Variants in KCNT1 observed in about 807,000 individuals in gnomAD.
KCNT1 encodes the protein potassium channel subfamily T member 1.
Under a neutral mutation model 147.8 loss-of-function variants are expected in KCNT1, and 78 were observed. The ratio of observed to expected loss-of-function variants is 0.53; its 90% CI spans 0.44 to 0.64. KCNT1 has a LOEUF of 0.64. Among genes scored for constraint, KCNT1 ranks in the 30% least tolerant of loss-of-function variants. KCNT1 has a pLI of 0.00. For synonymous variants in KCNT1, 867 were observed against 748.8 expected (o/e 1.16, Z -2.58); for missense variants, 1,419 against 1,750.3 (o/e 0.81, Z 3.38).
chr9:135,727,773 C>G (rs1231574901), intron 2 of KCNT1, among the ~76,000 whole-genome samples: 2 of 152,252 alleles, frequency 1.3e-5, no homozygotes, highest in African/African-American at 4.8e-5. Context: ...CACAGGGGAG[C>G]AAAGGACCAT....
At chr9:135,759,432 G>A (rs944242476) in intron 10 of KCNT1, among the ~76,000 whole-genome samples, 2 of 152,236 alleles carry the variant, frequency 1.3e-5, no homozygotes, top group South Asian at 2.1e-4. Context: ...AACAGAGGCC[G>A]CCATGCTGTG....
Position 135,784,042 on chromosome 9 carries a change from T to C in KCNT1, c.2860T>C (p.Ser954Pro). 6.2e-7 allele frequency: 1 copy of C among 1,606,478 alleles called. No homozygotes were observed. Among genetic ancestry groups the C allele is most frequent in the Non-Finnish European group, 8.5e-7 (1 of 1,179,932 alleles). ...CCCACAGAGGGAGCGAGAGAATGGC[T>C]CCAACCTGGCCTTCATGTTCCGCCT... ...KLEKRERENGSNLAFMFRLPF... is the reference protein window; with the variant it reads ...KLEKRERENGPNLAFMFRLPF... Residue 954 changes from serine (S) to proline (P), a missense_variant, in exon 25 of 31, where the codon TCC (serine) becomes CCC (proline). Ser to Pro is a moderately conservative substitution (Grantham distance 74). Around this residue, in one of 5 missense-constraint regions of KCNT1, gnomAD observed 247 missense variants for 397.1 expected, o/e 0.62. Coordinates refer to ENST00000371757, the MANE Select transcript of KCNT1 (RefSeq NM_020822.3).
chr9:135,756,613 C>T (rs1022621716), intron 6 of KCNT1, among the ~76,000 whole-genome samples: 1 of 152,206 alleles, frequency 6.6e-6, no homozygotes, highest in African/African-American at 2.4e-5. Flanking sequence ...GCCTCACCCA[C>T]TGCACCCTCC....
chr9:135,753,868 C>T (rs915829576), intron 4 of KCNT1, 69 bp from the exon 5 acceptor site: 1 of 1,570,654 alleles, frequency 6.4e-7, no homozygotes, highest in Non-Finnish European at 8.8e-7. Context: ...TGTGGAAGCC[C>T]TCGGGCAGCA....
At chr9:135,749,996 G>T (rs772478192) in intron 2 of KCNT1, 102 bp from the exon 3 acceptor site, 83 of 893,496 alleles carry the variant, frequency 9.3e-5, no homozygotes, top group Non-Finnish European at 1.4e-4. Flanking sequence ...AACTCCTGCA[G>T]TTGGAAAGTT....
At chr9:135,740,586 C>T (rs1830521996) in intron 2 of KCNT1, among the ~76,000 whole-genome samples, 1 of 152,244 alleles carries the variant, frequency 6.6e-6, no homozygotes, top group African/African-American at 2.4e-5. Flanking sequence ...CAGGACACAG[C>T]AGGGAAGCAG....
At position 135,775,532 on chromosome 9, in the gene KCNT1, C is replaced by T. The variant is rs1387307402; in HGVS notation, c.2349+117C>T. On this transcript the variant is annotated intron_variant, in intron 20 of 30. Coordinates refer to ENST00000371757, the MANE Select transcript of KCNT1 (RefSeq NM_020822.3). The stretch of plus-strand genomic sequence containing the variant: ...TTTCGATACCATTGCAAACTTCTAG[C>T]ACAGCTGCAAGAATTCTGCAAGGGA... The T allele has an allele frequency of 1.8e-5, 13 of 703,120 alleles. No individual in the cohort carries two copies. In the East Asian group the frequency reaches 3.6e-4, roughly 19 times the overall value. The allele number at this position is 703,120 out of a possible 1,614,324, so 43.6% of individuals were successfully genotyped here. A position where few individuals can be genotyped will look rare whatever the true frequency, so the allele number is the denominator to read the frequency against.
intron 1 of KCNT1, among the ~76,000 whole-genome samples, chr9:135,706,215 G>C (rs116554432): frequency 6.6e-6 from 1 of 152,190 alleles, no homozygotes; most frequent in Non-Finnish European, 1.5e-5. Flanking sequence ...GCACATACTT[G>C]GTGTTTACAA....
intron 9 of KCNT1, among the ~76,000 whole-genome samples, chr9:135,758,061 G>C (rs75420611): frequency 2.0e-5 from 3 of 147,976 alleles, no homozygotes; most frequent in Non-Finnish European, 4.5e-5. Context: ...CAGGCTGCCC[G>C]TGGGCCTCAG....
intron 16 of KCNT1, 37 bp from the exon 17 acceptor site, chr9:135,770,261 G>C: frequency 6.4e-7 from 1 of 1,558,312 alleles, no homozygotes; most frequent in Admixed American, 1.8e-5. Context: ...AGCCATGGCC[G>C]AGGGTGACGC....
chr9:135,724,031 A>C (rs1836029683), intron 2 of KCNT1, among the ~76,000 whole-genome samples: 1 of 152,200 alleles, frequency 6.6e-6, no homozygotes, highest in Admixed American at 6.5e-5. Context: ...GGCCCCGGGA[A>C]GCTCCATGCC....
intron 2 of KCNT1, among the ~76,000 whole-genome samples, chr9:135,728,310 G>A (rs957390616): frequency 1.3e-5 from 2 of 152,228 alleles, no homozygotes; most frequent in Non-Finnish European, 2.9e-5. Context: ...GGCAGCCCCA[G>A]GACACCCCGA....
chr9:135,765,234 C>T (rs755855800), intron 12 of KCNT1, 39 bp downstream of exon 12: 3 of 1,586,376 alleles, frequency 1.9e-6, no homozygotes, highest in Non-Finnish European at 2.6e-6. Flanking sequence ...CGACTCCCTC[C>T]CGGCCCCTAG....
At chr9:135,778,966 G>A (rs370340383) in intron 23 of KCNT1, 144 bp downstream of exon 23, 39 of 733,156 alleles carry the variant, frequency 5.3e-5, no homozygotes, top group African/African-American at 1.4e-4. Context: ...CCCTGAGACC[G>A]CCACAGCCAC....
At chr9:135,703,679 C>T (rs984315897) in intron 1 of KCNT1, among the ~76,000 whole-genome samples, 1 of 152,216 alleles carries the variant, frequency 6.6e-6, no homozygotes, top group Admixed American at 6.5e-5. Context: ...GCTGGCCGGC[C>T]CCTACCATCT....
intron 2 of KCNT1, among the ~76,000 whole-genome samples, chr9:135,731,536 A>C (rs1181721632): frequency 1.3e-5 from 2 of 151,596 alleles, no homozygotes; most frequent in Non-Finnish European, 2.9e-5. Context: ...GCTTCATTTC[A>C]TCTTTGAGGT....
At chr9:135,758,688 G>A (rs1009597110) in intron 10 of KCNT1, among the ~76,000 whole-genome samples, 180 bp downstream of exon 10, 2 of 152,244 alleles carry the variant, frequency 1.3e-5, no homozygotes, top group Non-Finnish European at 2.9e-5. Flanking sequence ...GCAGCTCCAA[G>A]CCCACGTCCC....
chr9:135,746,289 C>T (rs547491442), intron 2 of KCNT1, among the ~76,000 whole-genome samples: 33 of 152,294 alleles, frequency 2.2e-4, no homozygotes, highest in Admixed American at 5.2e-4. Flanking sequence ...CGCTGAGCTC[C>T]GTGGGGGCTA....
In KCNT1 at chr9:135,772,842, C is replaced by T. The variant is rs377516058; in HGVS notation, c.2136C>T (p.Pro712=). ...GSGSRRPSIA[P]VLELADSSAL... is the part of the protein sequence containing the mutation. The stretch of plus-strand genomic sequence containing the variant: ...GCAGCCGGCGGCCCAGCATCGCGCC[C>T]GTCCTGGAACTGGCCGACAGCTCAG... Residue 712 remains proline (P), a synonymous_variant, in exon 19 of 31, where the codon CCC becomes CCT. Coordinates refer to ENST00000371757, the MANE Select transcript of KCNT1 (RefSeq NM_020822.3). 2.5e-4 allele frequency: 387 copies of T among 1,541,362 alleles called. 2 individuals carry two copies. In the Middle Eastern group the frequency reaches 4.8e-3, roughly 19 times the overall value.
Sources: gnomAD v4.1 joint callset for allele counts (sites outside exome capture counted in the v4.1 genomes callset) on GRCh38, gnomAD v4.1.1 for gene constraint, gnomAD v4.1.1 regional missense constraint, MANE v1.5 for transcripts, NCBI Gene and HGNC (gene_info 2026-07-23, HGNC 2026-07-21) for gene names.